The following SAMSN1 variants were observed in gnomAD, a reference collection of about 807,000 sequenced individuals.
SAMSN1 encodes SAM domain-containing protein SAMSN-1.
In SAMSN1, 31 loss-of-function variants were observed where a neutral mutation model predicts 42.0. That is an observed-to-expected ratio of 0.74 (90% CI 0.55 to 1.00). The LOEUF is 1.00. Among genes scored for constraint, SAMSN1 ranks in the 50% least tolerant of loss-of-function variants. The probability of loss-of-function intolerance (pLI) is 0.00; values close to 1 mark genes in which losing one functional copy is unlikely to be tolerated. For missense variants in SAMSN1, 464 were observed against 439.4 expected (o/e 1.06, Z -0.50); for synonymous variants, 178 against 151.9 (o/e 1.17, Z -1.26).
At chr21:14,554,189 T>A (rs750778258) in intron 2 of SAMSN1, among the ~76,000 whole-genome samples, 1 of 152,188 alleles carries the variant, frequency 6.6e-6, no homozygotes, top group Non-Finnish European at 1.5e-5. Context: ...TCTTAAGTTT[T>A]GGAAAGGCAG....
chr21:14,621,511 T>C (rs1285839721), intron 2 of SAMSN1, among the ~76,000 whole-genome samples: 1 of 152,160 alleles, frequency 6.6e-6, no homozygotes, highest in Non-Finnish European at 1.5e-5. Context: ...CACACCTGGC[T>C]CAGAGGATCC....
Position 14,485,904 on chromosome 21 carries a change from A to T in SAMSN1, c.*8T>A, listed in dbSNP as rs1414576096. The T allele has an allele frequency of 6.2e-7, 1 of 1,609,368 alleles. No homozygotes were observed. Among genetic ancestry groups the T allele is most frequent in the Non-Finnish European group, 8.5e-7 (1 of 1,176,166 alleles). ...TGCATCTGTAGATATATAGTTGGGA[A>T]TGCGTGTTCAGTCACTTGGCTCTGT... On this transcript the variant is annotated 3_prime_UTR_variant, in exon 8 of 8. Transcript: ENST00000400566.
chr21:14,535,962 G>A (rs1175491312), intron 1 of SAMSN1, among the ~76,000 whole-genome samples: 1 of 152,196 alleles, frequency 6.6e-6, no homozygotes, highest in East Asian at 1.9e-4. Flanking sequence ...GGGGGACTTA[G>A]CCAGCTGTGG....
chr21:14,532,950 G>T (rs1352070157), intron 1 of SAMSN1, among the ~76,000 whole-genome samples: 1 of 151,774 alleles, frequency 6.6e-6, no homozygotes, highest in East Asian at 1.9e-4. Context: ...TTGCTCCAGG[G>T]TTGCCAAGAC....
intron 1 of SAMSN1, among the ~76,000 whole-genome samples, chr21:14,529,283 CG>C (rs1228221342): frequency 6.6e-6 from 1 of 152,140 alleles, no homozygotes; most frequent in Non-Finnish European, 1.5e-5. Flanking sequence ...ATTTAGTGAA[CG>C]TTTTAGTGCA....
chr21:14,565,733 T>C (rs889933308), intron 2 of SAMSN1, among the ~76,000 whole-genome samples: 3 of 152,192 alleles, frequency 2.0e-5, no homozygotes, highest in African/African-American at 7.2e-5. Flanking sequence ...AAACTCAGGA[T>C]TCCTTCCTTT....
upstream of SAMSN1, among the ~76,000 whole-genome samples, chr21:14,550,758 G>A (rs540050613): frequency 3.4e-4 from 52 of 152,048 alleles, no homozygotes; most frequent in Non-Finnish European, 6.0e-4. Context: ...CAGTAACACA[G>A]ACAAATACTG....
intron 6 of SAMSN1, chr21:14,601,896 C>T (rs1425709325): frequency 2.6e-6 from 1 of 388,386 alleles, no homozygotes; most frequent in Admixed American, 4.4e-5. Flanking sequence ...TATAAAGCAA[C>T]CTATAATAAC....
intron 2 of SAMSN1, among the ~76,000 whole-genome samples, chr21:14,641,305 A>G (rs1299221817): frequency 6.6e-6 from 1 of 152,174 alleles, no homozygotes; most frequent in East Asian, 1.9e-4. Context: ...TTATTATTAA[A>G]CTTGCTTTCT....
chr21:14,578,508 C>A (rs1981580106), intron 2 of SAMSN1, among the ~76,000 whole-genome samples: 2 of 151,762 alleles, frequency 1.3e-5, no homozygotes, highest in African/African-American at 4.8e-5. Flanking sequence ...CATGGTGAAA[C>A]CCCATCTCTA....
intron 7 of SAMSN1, among the ~76,000 whole-genome samples, chr21:14,487,660 A>T (rs1195770042): frequency 1.3e-5 from 2 of 152,202 alleles, no homozygotes; most frequent in Admixed American, 1.3e-4. Context: ...TAGTCTGCTC[A>T]TCTTCAGAAT....
At chr21:14,541,887 G>A (rs1390458560) in intron 1 of SAMSN1, among the ~76,000 whole-genome samples, 1 of 151,894 alleles carries the variant, frequency 6.6e-6, no homozygotes, top group Non-Finnish European at 1.5e-5. Flanking sequence ...CAGCGACTCG[G>A]GAGGCTGAGG....
intron 2 of SAMSN1, among the ~76,000 whole-genome samples, chr21:14,570,112 G>A (rs1490169944): frequency 6.6e-6 from 1 of 151,966 alleles, no homozygotes; most frequent in East Asian, 1.9e-4. Flanking sequence ...AGTGCCCTTT[G>A]CGGGTGACTG....
intron 1 of SAMSN1, among the ~76,000 whole-genome samples, chr21:14,526,270 C>T (rs2822735): frequency 0.28 from 42,661 of 152,166 alleles, 6,970 homozygotes; most frequent in Non-Finnish European, 0.35. Context: ...AATAAACTTG[C>T]GTTTCCTAAA....
intron 1 of SAMSN1, among the ~76,000 whole-genome samples, chr21:14,542,694 G>A (rs1333138097): frequency 6.6e-6 from 1 of 152,140 alleles, no homozygotes; most frequent in Non-Finnish European, 1.5e-5. Context: ...CAGCACTTTG[G>A]AAGGCTGAGG....
chr21:14,525,059 G>A (rs932656031), intron 1 of SAMSN1, among the ~76,000 whole-genome samples: 1 of 152,082 alleles, frequency 6.6e-6, no homozygotes, highest in African/African-American at 2.4e-5. Flanking sequence ...AGTTGATGAG[G>A]GGAAATTGTT....
intron 5 of SAMSN1, 91 bp downstream of exon 5, chr21:14,510,219 A>T (rs1987623073): frequency 1.6e-6 from 2 of 1,223,556 alleles, no homozygotes. Flanking sequence ...ACACACTCAC[A>T]CTGTCTTCCC....
chr21:14,577,281 TA>T (rs1451965128), intron 2 of SAMSN1, among the ~76,000 whole-genome samples: 2,620 of 54,772 alleles, frequency 0.048, 218 homozygotes, highest in Non-Finnish European at 0.065. Context: ...TATATATATA[TA>T]TATTTTTTTT....
chr21:14,644,532 C>T (rs1051684036), intron 1 of SAMSN1, among the ~76,000 whole-genome samples: 2 of 152,122 alleles, frequency 1.3e-5, no homozygotes, highest in Admixed American at 1.3e-4. Context: ...CCAGGTACTA[C>T]ATCAAGGGCC....
Sources: allele counts gnomAD v4.1 joint callset (sites outside exome capture counted in the v4.1 genomes callset), GRCh38; gene constraint gnomAD v4.1.1; transcripts MANE v1.5; gene names NCBI Gene and HGNC (gene_info 2026-07-23, HGNC 2026-07-21).